ESF1: variants seen among roughly 807,000 people sequenced by gnomAD.
ESF1 encodes the protein ESF1 nucleolar pre-rRNA processing protein.
Under a neutral mutation model 92.0 loss-of-function variants are expected in ESF1, and 58 were observed. The observed-to-expected ratio is 0.63, with a 90% CI of 0.51 to 0.78. The LOEUF (loss-of-function observed/expected upper bound fraction) is 0.78, where lower values mean the gene tolerates loss of function less well. ESF1 is among the 30% of genes least tolerant of loss of function. ESF1 has a pLI of 0.00. For synonymous variants in ESF1, 321 were observed against 313.7 expected, an observed-to-expected ratio of 1.02 and a Z score of -0.24; for missense variants, 922 against 989.1, an observed-to-expected ratio of 0.93 and a Z score of 0.91.
intron 9 of ESF1, among the ~76,000 whole-genome samples, chr20:13,752,833 T>C (rs1341594777): frequency 6.6e-6 from 1 of 151,562 alleles, no homozygotes; most frequent in African/African-American, 2.4e-5. Flanking sequence ...CTGTGAAGAG[T>C]GGAGGAGGAA....
chr20:13,739,367 GA>G (rs2147738831), intron 9 of ESF1, among the ~76,000 whole-genome samples: 1 of 152,254 alleles, frequency 6.6e-6, no homozygotes, highest in South Asian at 2.1e-4. Context: ...CTGCTTCTTA[GA>G]ATCAAATATT....
chr20:13,775,126 A>G (rs1344750267), intron 4 of ESF1, 31 bp downstream of exon 4: 1 of 1,437,872 alleles, frequency 7.0e-7, no homozygotes, highest in East Asian at 2.3e-5. Context: ...ATGCCTAGAA[A>G]TATTTATTTC....
At chr20:13,728,677 C>T (rs540779771) in intron 10 of ESF1, among the ~76,000 whole-genome samples, 14 of 151,950 alleles carry the variant, frequency 9.2e-5, no homozygotes, top group Non-Finnish European at 1.9e-4. Context: ...CCAGCCTGGC[C>T]AACACAGTGA....
chr20:13,759,681 C>G lies in ESF1; in HGVS notation c.1828+11G>C. ...TCGAAAAAGAGAAAACATTTAGTATCTAATTCTTACCTGGAACCCATTTAA... is the reference window on the plus strand; with the variant it reads ...TCGAAAAAGAGAAAACATTTAGTATGTAATTCTTACCTGGAACCCATTTAA... On this transcript the variant is annotated intron_variant, in intron 9 of 13. Coordinates refer to ENST00000617257, the MANE Select transcript of ESF1 (RefSeq NM_001276380.2). 1 of 1,572,676 alleles carries G rather than the reference C, an allele frequency of 6.4e-7. No individual in the cohort carries two copies. The highest frequency in any genetic ancestry group is 8.5e-7 in the Non-Finnish European group (1 of 1,170,188).
chr20:13,749,104 T>A (rs1192482235), intron 9 of ESF1, among the ~76,000 whole-genome samples: 5 of 151,790 alleles, frequency 3.3e-5, no homozygotes, highest in African/African-American at 1.2e-4. Flanking sequence ...CTTGCTCTGT[T>A]GCCCAGGTTG....
chr20:13,778,810 G>A (rs1038008476), intron 2 of ESF1, among the ~76,000 whole-genome samples: 3 of 152,088 alleles, frequency 2.0e-5, no homozygotes, highest in African/African-American at 7.2e-5. Flanking sequence ...ATATTAGGAG[G>A]CCAAGATGGG....
chr20:13,730,545 A>G (rs1374619483), intron 10 of ESF1, among the ~76,000 whole-genome samples: 1 of 151,086 alleles, frequency 6.6e-6, no homozygotes, highest in African/African-American at 2.4e-5. Context: ...CACCACGCCC[A>G]GCTAATTTTT....
chr20:13,765,055 T>G (rs1979371382), intron 8 of ESF1, among the ~76,000 whole-genome samples: 1 of 152,072 alleles, frequency 6.6e-6, no homozygotes, highest in Non-Finnish European at 1.5e-5. Context: ...AAACCCCATC[T>G]CTACTAAAAA....
At chr20:13,775,527 C>T (rs1382031113) in intron 3 of ESF1, among the ~76,000 whole-genome samples, 1 of 152,122 alleles carries the variant, frequency 6.6e-6, no homozygotes, top group Non-Finnish European at 1.5e-5. Context: ...GATTTTTTAA[C>T]CACCAAGTTT....
rs1364277574 is a variant in ESF1, at chr20:13,743,720, A to C, written c.1829-9878T>G. Among the ~76,000 whole-genome samples, 3 of 152,142 alleles carry C rather than the reference A, an allele frequency of 2.0e-5. No individual in the cohort carries two copies. The East Asian group carries it at 5.8e-4, about 29-fold the overall frequency. Reference sequence around the variant, plus strand: ...TAAAACAATGGTTGCCAAGGGCTTTAGGGTGGGGAAAATAGGGAGATGGTC... The same window carrying C: ...TAAAACAATGGTTGCCAAGGGCTTTCGGGTGGGGAAAATAGGGAGATGGTC... On this transcript the variant is annotated intron_variant, in intron 9 of 13. Transcript: ENST00000617257.
chr20:13,747,417 G>A (rs2050057858), intron 9 of ESF1, among the ~76,000 whole-genome samples: 1 of 151,708 alleles, frequency 6.6e-6, no homozygotes, highest in Non-Finnish European at 1.5e-5. Flanking sequence ...AAATTAGCTG[G>A]GCGTGGTGGT....
At chr20:13,737,485 G>A (rs927812900) in intron 9 of ESF1, among the ~76,000 whole-genome samples, 1 of 152,076 alleles carries the variant, frequency 6.6e-6, no homozygotes, top group African/African-American at 2.4e-5. Context: ...TACTATAATC[G>A]GCTTTGGTTA....
At chr20:13,784,450 C>T (rs1980530260) in intron 1 of ESF1, among the ~76,000 whole-genome samples, 1 of 152,168 alleles carries the variant, frequency 6.6e-6, no homozygotes. Flanking sequence ...TAGGTACCAC[C>T]TCAACCAGGA....
At chr20:13,753,221 T>G (rs2147754720) in intron 9 of ESF1, among the ~76,000 whole-genome samples, 1 of 152,174 alleles carries the variant, frequency 6.6e-6, no homozygotes, top group East Asian at 1.9e-4. Context: ...TACTCACTAG[T>G]CAGTTATTAG....
chr20:13,743,507 A>T (rs1156968187), intron 9 of ESF1, among the ~76,000 whole-genome samples: 1 of 151,794 alleles, frequency 6.6e-6, no homozygotes, highest in Non-Finnish European at 1.5e-5. Flanking sequence ...GAATTAATAA[A>T]GAAATAGTGG....
intron 9 of ESF1, among the ~76,000 whole-genome samples, chr20:13,735,730 A>G (rs2049971594): frequency 6.6e-6 from 1 of 152,142 alleles, no homozygotes; most frequent in African/African-American, 2.4e-5. Flanking sequence ...ATGCATTAAG[A>G]TTGTATTACT....
intron 4 of ESF1, among the ~76,000 whole-genome samples, chr20:13,773,013 T>A (rs1486083547): frequency 6.6e-6 from 1 of 152,198 alleles, no homozygotes; most frequent in Non-Finnish European, 1.5e-5. Context: ...ATAATGAAGA[T>A]CAATTTTGTA....
At chr20:13,753,851 T>C (rs2147755301) in intron 9 of ESF1, among the ~76,000 whole-genome samples, 1 of 152,338 alleles carries the variant, frequency 6.6e-6, no homozygotes, top group Middle Eastern at 3.4e-3. Flanking sequence ...ATTTTTGCAA[T>C]CAAACTTTGA....
intron 9 of ESF1, among the ~76,000 whole-genome samples, chr20:13,743,652 T>C (rs2050029661): frequency 6.6e-6 from 1 of 152,178 alleles, no homozygotes; most frequent in African/African-American, 2.4e-5. Flanking sequence ...GTAGAGTTCA[T>C]TTATATGTGG....
Sources: allele counts gnomAD v4.1 joint callset (sites outside exome capture counted in the v4.1 genomes callset), GRCh38; gene constraint gnomAD v4.1.1; transcripts MANE v1.5; gene names NCBI Gene and HGNC (gene_info 2026-07-23, HGNC 2026-07-21).